The following PCDHAC1 variants were observed in gnomAD, a reference collection of about 807,000 sequenced individuals.
PCDHAC1 encodes the protein protocadherin alpha-C1.
Under a neutral mutation model 60.0 loss-of-function variants are expected in PCDHAC1, and 42 were observed. That is an observed-to-expected ratio of 0.70 (90% CI 0.55 to 0.90). PCDHAC1 has a LOEUF of 0.90. PCDHAC1 is among the 40% of genes least tolerant of loss of function. PCDHAC1 has a pLI of 0.00. For synonymous variants in PCDHAC1, 468 were observed against 499.3 expected (o/e 0.94, Z 0.84); for missense variants, 1,160 against 1,222.3 (o/e 0.95, Z 0.76).
Position 140,956,653 on chromosome 5 carries a change from G to A in PCDHAC1, c.2434-22296G>A, listed in dbSNP as rs146062919. ...TGCCAGGTTTTGGTATCAGGATGAT[G>A]CTGGCCTTAAAGGAGTTAGGGAGGA... On this transcript the variant is annotated intron_variant, in intron 1 of 3. Transcript: ENST00000253807. 5.2e-4 allele frequency among the ~76,000 whole-genome samples: 79 copies of A among 152,240 alleles called. 1 individual carries two copies. The highest frequency in any genetic ancestry group is 1.9e-3 in the African/African-American group (79 of 41,558).
chr5:140,992,485 A>T (rs1234957114), intron 3 of PCDHAC1, among the ~76,000 whole-genome samples: 1 of 152,208 alleles, frequency 6.6e-6, no homozygotes, highest in Non-Finnish European at 1.5e-5. Flanking sequence ...CCCAGAGGCC[A>T]ATCTGTAAGG....
At position 140,927,118 on chromosome 5, in the gene PCDHAC1, G is replaced by C; in HGVS notation, c.226G>C (p.Val76Leu). The change falls in exon 1 of 4, where the codon GTG (valine) becomes CTG (leucine). Residue 76 changes from valine to leucine, a missense_variant. By Grantham distance (32) the Val-to-Leu change is conservative. This residue lies in a region of PCDHAC1 where 1,113 missense variants were observed against 1,163.7 expected (regional missense o/e 0.96). Coordinates refer to ENST00000253807, the MANE Select transcript of PCDHAC1 (RefSeq NM_018898.5). ...FGVDLPSGNLVVREPADREQL... is the reference protein window; with the variant it reads ...FGVDLPSGNLLVREPADREQL... ...GGTGGATCTACCCAGCGGCAATTTG[G>C]TGGTCAGAGAGCCGGCGGACCGCGA... is the stretch of plus-strand genomic sequence containing the variant. 1 of 1,613,946 alleles carries C rather than the reference G, an allele frequency of 6.2e-7. No homozygotes were observed. Among genetic ancestry groups the C allele is most frequent in the Non-Finnish European group, 8.5e-7 (1 of 1,179,914 alleles).
chr5:140,963,196 GA>G (rs199602110), intron 1 of PCDHAC1, among the ~76,000 whole-genome samples: 26 of 147,674 alleles, frequency 1.8e-4, no homozygotes, highest in South Asian at 4.3e-4. Context: ...CTGTGAAAAT[GA>G]AAAAAAAAAC....
intron 3 of PCDHAC1, among the ~76,000 whole-genome samples, chr5:140,991,237 A>G (rs2097440162): frequency 6.6e-6 from 1 of 152,186 alleles, no homozygotes; most frequent in African/African-American, 2.4e-5. Context: ...ATGCAGTGGT[A>G]AAGGCAGTAT....
At chr5:140,970,252 T>A (rs2096392828) in intron 1 of PCDHAC1, among the ~76,000 whole-genome samples, 1 of 152,234 alleles carries the variant, frequency 6.6e-6, no homozygotes, top group Non-Finnish European at 1.5e-5. Context: ...GTTGACAGTT[T>A]CTATGGTTTT....
intron 1 of PCDHAC1, among the ~76,000 whole-genome samples, chr5:140,949,916 A>G (rs1350647225): frequency 6.6e-6 from 1 of 150,834 alleles, no homozygotes; most frequent in African/African-American, 2.4e-5. Flanking sequence ...AGATATAACT[A>G]TTTTTAGATT....
intron 1 of PCDHAC1, among the ~76,000 whole-genome samples, chr5:140,962,850 G>T (rs2095713419): frequency 6.6e-6 from 1 of 152,104 alleles, no homozygotes; most frequent in African/African-American, 2.4e-5. Flanking sequence ...TATAACTTGT[G>T]CTCGGTTTGT....
Position 140,928,690 on chromosome 5 carries a change from A to G in PCDHAC1, c.1798A>G (p.Ile600Val). 3 of 1,614,180 alleles carry G rather than the reference A, an allele frequency of 1.9e-6. No individual in the cohort carries two copies. Among genetic ancestry groups the G allele is most frequent in the Non-Finnish European group, 2.5e-6 (3 of 1,180,042 alleles). The change falls in exon 1 of 4, where the codon ATC becomes GTC. Residue 600 changes from isoleucine (I) to valine (V), a missense_variant. By Grantham distance (29) the Ile-to-Val change is conservative (BLOSUM62 3). This residue lies in a region of PCDHAC1 where 1,113 missense variants were observed against 1,163.7 expected (regional missense o/e 0.96). Transcript: ENST00000253807. Reference protein sequence around the residue: ...SGSNAWLSYHISRASDSSLFR... With the variant: ...SGSNAWLSYHVSRASDSSLFR... Reference sequence around the variant, plus strand: ...TTCTAATGCCTGGCTTTCCTACCACATCTCCCGGGCGTCTGACTCTAGTCT... The same window carrying G: ...TTCTAATGCCTGGCTTTCCTACCACGTCTCCCGGGCGTCTGACTCTAGTCT...
intron 2 of PCDHAC1, 123 bp from the exon 3 acceptor site, chr5:140,982,352 G>A (rs1554244046): frequency 4.0e-6 from 6 of 1,507,640 alleles, no homozygotes; most frequent in Non-Finnish European, 5.3e-6. Context: ...TTCAGTTCAA[G>A]CATGAGCAGA....
chr5:141,003,608 C>T (rs951443168), intron 3 of PCDHAC1, among the ~76,000 whole-genome samples: 3 of 152,136 alleles, frequency 2.0e-5, no homozygotes, highest in East Asian at 1.9e-4. Flanking sequence ...CCACCATTCC[C>T]GGCCCCAGAG....
chr5:140,931,136 C>T (rs2087318079), intron 1 of PCDHAC1, among the ~76,000 whole-genome samples: 1 of 152,166 alleles, frequency 6.6e-6, no homozygotes, highest in African/African-American at 2.4e-5. Context: ...GTGATATTTG[C>T]AGTGGATACT....
chr5:140,987,011 C>T (rs1266225593), intron 3 of PCDHAC1, among the ~76,000 whole-genome samples: 2 of 152,104 alleles, frequency 1.3e-5, no homozygotes, highest in African/African-American at 4.8e-5. Context: ...GTCATGAGTT[C>T]GAGACCAGCC....
intron 1 of PCDHAC1, among the ~76,000 whole-genome samples, chr5:140,954,988 A>G (rs554115730): frequency 2.0e-5 from 3 of 152,204 alleles, no homozygotes; most frequent in Admixed American, 6.5e-5. Context: ...AATTTTCTGC[A>G]TATGGCTAGC....
chr5:140,926,985 G>A lies in PCDHAC1; in HGVS notation c.93G>A (p.Glu31=). 1 of 1,611,068 alleles carries A rather than the reference G, an allele frequency of 6.2e-7. No homozygotes were observed. Among genetic ancestry groups the A allele is most frequent in the Non-Finnish European group, 8.5e-7 (1 of 1,178,006 alleles). Residue 31 remains glutamate (E), a synonymous_variant, in exon 1 of 4, where the codon GAG becomes GAA. Transcript: ENST00000253807. ...QLEYSVPEET[E]RGVAVGNLSA... ...AGTACTCAGTGCCGGAGGAGACGGA[G>A]CGGGGCGTAGCCGTAGGCAATCTCT...
intron 1 of PCDHAC1, among the ~76,000 whole-genome samples, chr5:140,943,548 G>A (rs1280986902): frequency 6.6e-6 from 1 of 152,152 alleles, no homozygotes; most frequent in African/African-American, 2.4e-5. Context: ...GTAAATAGAC[G>A]TAGACAATAA....
At position 140,967,080 on chromosome 5, in the gene PCDHAC1, T is replaced by C. The variant is rs781942171; in HGVS notation, c.2434-11869T>C. On this transcript the variant is annotated intron_variant, in intron 1 of 3. Transcript: ENST00000253807. The stretch of plus-strand genomic sequence containing the variant: ...GGAGCGCTCTTCGTCAACGAGCGCA[T>C]TGATCGGGAGGCGCTGTGTGAGCAG... 168 of 1,613,222 alleles carry C rather than the reference T, an allele frequency of 1.0e-4. No homozygotes were observed. The highest frequency in any genetic ancestry group is 3.7e-4 in the Admixed American group (22 of 60,010).
intron 1 of PCDHAC1, chr5:140,967,771 G>A (rs1554229926): frequency 1.2e-6 from 2 of 1,614,222 alleles, no homozygotes; most frequent in Non-Finnish European, 1.7e-6. Context: ...AGATCTATGT[G>A]CAGGCGACTG....
intron 1 of PCDHAC1, chr5:140,930,058 C>T (rs1186770970): frequency 6.6e-6 from 1 of 152,172 alleles, no homozygotes; most frequent in Non-Finnish European, 1.5e-5. Context: ...TTTGCTTACA[C>T]AAAAACTGTA....
intron 1 of PCDHAC1, among the ~76,000 whole-genome samples, chr5:140,942,479 A>G (rs1341688235): frequency 6.6e-6 from 1 of 152,154 alleles, no homozygotes; most frequent in East Asian, 1.9e-4. Flanking sequence ...TTCAAGCTAC[A>G]ACTGAAATAA....
Sources: gnomAD v4.1 joint callset for allele counts (sites outside exome capture counted in the v4.1 genomes callset) on GRCh38, gnomAD v4.1.1 for gene constraint, gnomAD v4.1.1 regional missense constraint, MANE v1.5 for transcripts, NCBI Gene and HGNC (gene_info 2026-07-23, HGNC 2026-07-21) for gene names.